IRF8: variants seen among roughly 807,000 people sequenced by gnomAD.
The protein encoded by IRF8 is interferon regulatory factor 8.
IRF8 carries 14 observed loss-of-function variants against 48.7 expected under a neutral mutation model. That is an observed-to-expected ratio of 0.29 (90% confidence interval 0.19 to 0.45). The LOEUF (loss-of-function observed/expected upper bound fraction) is 0.45. IRF8 is among the 20% of genes least tolerant of loss of function. The probability of loss-of-function intolerance (pLI) is 1.00; values close to 1 mark genes in which losing one functional copy is unlikely to be tolerated. For synonymous variants in IRF8, 278 were observed against 227.3 expected, an observed-to-expected ratio of 1.22 and a Z score of -2.01; for missense variants, 493 against 580.7, an observed-to-expected ratio of 0.85 and a Z score of 1.55.
rs2152102337 is a variant in IRF8 at position 85,914,466 on chromosome 16, C to T, written c.554-7C>T. On this transcript the variant is annotated splice_polypyrimidine_tract_variant and splice_region_variant and intron_variant, in intron 5 of 8. Transcript: ENST00000268638. The stretch of plus-strand genomic sequence containing the variant: ...GCTCTGAGCTTGCTTTTCTGTTTCT[C>T]CTGCAGGCGTGCCGCTGGTGACGGG... The T allele has an allele frequency of 6.2e-7, 1 of 1,614,154 alleles. No homozygotes were observed.
intron 3 of IRF8, 85 bp from the exon 4 acceptor site, chr16:85,911,485 A>G: frequency 8.8e-7 from 1 of 1,139,856 alleles, no homozygotes; most frequent in Non-Finnish European, 1.3e-6. Flanking sequence ...CCTTAAACTC[A>G]GCATTTACAG....
At chr16:85,906,037 A>G (rs533592603) in intron 2 of IRF8, among the ~76,000 whole-genome samples, 9 of 152,178 alleles carry the variant, frequency 5.9e-5, no homozygotes, top group Non-Finnish European at 1.3e-4. Flanking sequence ...AAAGTACTTT[A>G]CCTTCTTGAC....
At position 85,903,355 on chromosome 16, in the gene IRF8, G is replaced by A. The variant is rs1461701176; in HGVS notation, c.174+166G>A. The A allele has an allele frequency of 9.0e-6, 6 of 665,504 alleles. No individual in the cohort carries two copies. In the East Asian group the frequency reaches 1.1e-4, roughly 12 times the overall value. 41.2% of individuals were successfully genotyped at this position (665,504 alleles called of 1,614,324 possible). A position where few individuals can be genotyped will look rare whatever the true frequency, so the allele number is the denominator to read the frequency against. The stretch of plus-strand genomic sequence containing the variant: ...CTGAATGTGTCTCAGACATGTACAT[G>A]AGCTGATTTCACATCTTTTGAATTA... On this transcript the variant is annotated intron_variant, in intron 2 of 8. Transcript: ENST00000268638.
At chr16:85,902,888 C>T in intron 1 of IRF8, 127 bp from the exon 2 acceptor site, 1 of 981,052 alleles carries the variant, frequency 1.0e-6, no homozygotes, top group Non-Finnish European at 1.6e-6. Context: ...GTCCCTGAAT[C>T]TGTGGGTTTC....
intron 3 of IRF8, 123 bp downstream of exon 3, chr16:85,909,296 G>A (rs1905082148): frequency 2.6e-6 from 2 of 780,134 alleles, no homozygotes; most frequent in Non-Finnish European, 4.4e-6. Context: ...AAACAAAGCA[G>A]TTCTCTCCTT....
At chr16:85,908,388 T>G (rs1905060678) in intron 2 of IRF8, among the ~76,000 whole-genome samples, 1 of 151,992 alleles carries the variant, frequency 6.6e-6, no homozygotes, top group South Asian at 2.1e-4. Context: ...AGAAAACAGA[T>G]CTATTAAAAA....
chr16:85,914,807 C>T lies in IRF8; in HGVS notation c.601+287C>T, dbSNP rs560382590. Among the ~76,000 whole-genome samples, 21 of 149,464 alleles carry T rather than the reference C, an allele frequency of 1.4e-4. No individual in the cohort carries two copies. The South Asian group carries it at 2.6e-3, about 18-fold the overall frequency. On this transcript the variant is annotated intron_variant, in intron 6 of 8. Coordinates refer to ENST00000268638, the MANE Select transcript of IRF8 (RefSeq NM_002163.4). ...AGGACCTCGTGTGGAAGTCTAGGCC[C>T]GGTTCTGAGGATGAGCAGGACCTGG...
chr16:85,908,886 A>G (rs1905071162), intron 2 of IRF8, 104 bp from the exon 3 acceptor site: 3 of 1,019,822 alleles, frequency 2.9e-6, no homozygotes, highest in Non-Finnish European at 4.7e-6. Context: ...ATGGCCAACA[A>G]AGATTCATGG....
intron 6 of IRF8, among the ~76,000 whole-genome samples, chr16:85,916,589 G>A (rs969875986): frequency 2.6e-5 from 4 of 152,170 alleles, no homozygotes; most frequent in Admixed American, 6.5e-5. Context: ...CTGCTTAGGC[G>A]TCTCTGAAGC....
At chr16:85,900,666 C>T (rs991556238) in intron 1 of IRF8, among the ~76,000 whole-genome samples, 1 of 152,338 alleles carries the variant, frequency 6.6e-6, no homozygotes, top group East Asian at 1.9e-4. Context: ...CGGTATTTGC[C>T]GTGCCTCTCT....
Position 85,921,382 on chromosome 16 carries a change from G to T in IRF8, c.*100G>T, listed in dbSNP as rs1265794980. On this transcript the variant is annotated 3_prime_UTR_variant, in exon 9 of 9. Coordinates refer to ENST00000268638, the MANE Select transcript of IRF8 (RefSeq NM_002163.4). ...AAAGAATGTGGATCCCTCTGTCTGGGGTGGGATGCCTTACTTTGCACTTAA... is the reference window on the plus strand; with the variant it reads ...AAAGAATGTGGATCCCTCTGTCTGGTGTGGGATGCCTTACTTTGCACTTAA... 2.3e-6 allele frequency: 3 copies of T among 1,293,686 alleles called. No individual in the cohort carries two copies. The highest frequency in any genetic ancestry group is 3.3e-6 in the Non-Finnish European group (3 of 900,606). The allele number at this position is 1,293,686 out of a possible 1,614,324, so 80.1% of individuals were successfully genotyped here. A position where few individuals can be genotyped will look rare whatever the true frequency, so the allele number is the denominator to read the frequency against.
In IRF8 at chr16:85,920,089, C is replaced by G. The variant is rs763648818; in HGVS notation, c.989-20C>G. 1 of 1,588,570 alleles carries G rather than the reference C, an allele frequency of 6.3e-7. No individual in the cohort carries two copies. Among genetic ancestry groups the G allele is most frequent in the East Asian group, 2.2e-5 (1 of 44,752 alleles). On this transcript the variant is annotated intron_variant, in intron 7 of 8. Coordinates refer to ENST00000268638, the MANE Select transcript of IRF8 (RefSeq NM_002163.4). ...CATCTCGGCCTTGCTTGCAAACACC[C>G]TCTGCCTGTGTCATTCCAGAGCTGC...
chr16:85,903,510 T>C, intron 2 of IRF8: 1 of 368,380 alleles, frequency 2.7e-6, no homozygotes, highest in Non-Finnish European at 5.1e-6. Flanking sequence ...CGCTAAGACC[T>C]TTCCCCACGG....
rs1180951540 is a variant in IRF8 at position 85,918,421 on chromosome 16, C to T, written c.606C>T (p.Phe202=). The T allele has an allele frequency of 1.3e-6, 2 of 1,595,240 alleles. No homozygotes were observed. Among genetic ancestry groups the T allele is most frequent in the Non-Finnish European group, 1.7e-6 (2 of 1,178,462 alleles). The change falls in exon 7 of 9, where the codon TTC becomes TTT. Residue 202 remains phenylalanine (F), a synonymous_variant. Transcript: ENST00000268638. ...YTTYDAHHSA[F]SQMVISFYYG... ...TCGTGTCCCTCTTGTCCACAGCATT[C>T]TCCCAGATGGTGATCAGCTTCTACT...
rs375583299 is a variant in IRF8 at position 85,902,265 on chromosome 16, A to G, written c.-1-750A>G. On this transcript the variant is annotated intron_variant, in intron 1 of 8. Transcript: ENST00000268638. ...AGGAAGTTTGGATAATAATAATGAC[A>G]TCTGGCATGTAAGGTCCAGGCCCTG... Among the ~76,000 whole-genome samples the G allele has an allele frequency of 3.3e-5, 5 of 152,286 alleles. No homozygotes were observed. In the East Asian group the frequency reaches 5.8e-4, roughly 18 times the overall value.
chr16:85,901,789 G>A (rs1904833861), intron 1 of IRF8, among the ~76,000 whole-genome samples: 1 of 152,192 alleles, frequency 6.6e-6, no homozygotes, highest in Admixed American at 6.5e-5. Flanking sequence ...TACTTCTTGT[G>A]AAGGTTCTGA....
At chr16:85,902,979 C>T (rs754700245) in intron 1 of IRF8, 36 bp from the exon 2 acceptor site, 7 of 1,611,866 alleles carry the variant, frequency 4.3e-6, no homozygotes, top group Non-Finnish European at 4.2e-6. Flanking sequence ...GAGACAATAT[C>T]CGTAATATCA....
chr16:85,902,947 T>G (rs1224073766), intron 1 of IRF8, 68 bp from the exon 2 acceptor site: 9 of 1,553,270 alleles, frequency 5.8e-6, no homozygotes, highest in Non-Finnish European at 7.1e-6. Context: ...CTGTTAGCAG[T>G]TTTTGGGTTG....
At position 85,921,437 on chromosome 16, in the gene IRF8, C is replaced by A; in HGVS notation, c.*155C>A. 1.2e-6 allele frequency: 1 copy of A among 805,386 alleles called. No individual in the cohort carries two copies. Among genetic ancestry groups the A allele is most frequent in the Non-Finnish European group, 2.1e-6 (1 of 484,722 alleles). The allele number at this position is 805,386 out of a possible 1,614,324, so 49.9% of individuals were successfully genotyped here. A position where few individuals can be genotyped will look rare whatever the true frequency, so the allele number is the denominator to read the frequency against. On this transcript the variant is annotated 3_prime_UTR_variant, in exon 9 of 9. Transcript: ENST00000268638. The stretch of plus-strand genomic sequence containing the variant: ...ATAAGGGCATTCTCGGAGGAGTAGA[C>A]GTTTAATACGAAGTGGCGGCATAGC...
Sources: allele counts gnomAD v4.1 joint callset (sites outside exome capture counted in the v4.1 genomes callset), GRCh38; gene constraint gnomAD v4.1.1; transcripts MANE v1.5; gene names NCBI Gene and HGNC (gene_info 2026-07-23, HGNC 2026-07-21).